Variants in RAB11FIP5 observed in about 807,000 individuals in gnomAD.
RAB11FIP5 encodes the protein RAB11 family interacting protein 5.
In RAB11FIP5, 48 loss-of-function variants were observed where a neutral mutation model predicts 85.1. The ratio of observed to expected loss-of-function variants is 0.56; its 90% CI spans 0.45 to 0.72. The LOEUF is 0.72. Among genes scored for constraint, RAB11FIP5 ranks in the 30% least tolerant of loss-of-function variants. The pLI is 0.00. For missense variants in RAB11FIP5, 1,491 were observed against 1,687.0 expected (o/e 0.88, Z 2.04); for synonymous variants, 729 against 727.3 (o/e 1.00, Z -0.04).
rs2106098690 is a variant in RAB11FIP5 at position 73,075,320 on chromosome 2, A to C, written c.*201T>G. The C allele has an allele frequency of 2.8e-6, 2 of 711,194 alleles. No individual in the cohort carries two copies. The highest frequency in any genetic ancestry group is 5.4e-5 in the East Asian group (2 of 37,280). 44.1% of individuals were successfully genotyped at this position (711,194 alleles called of 1,614,324 possible). On this transcript the variant is annotated 3_prime_UTR_variant, in exon 6 of 6. Coordinates refer to ENST00000486777, the MANE Select transcript of RAB11FIP5 (RefSeq NM_001371272.1). The surrounding 1 kb of genome is among the most constrained non-coding windows in gnomAD (Gnocchi z 4.6). ...AGACCCAGGGCTCCCAAAGACACAC[A>C]AGTTGTGCACAGAACCTGATGCCTC...
chr2:73,112,556 G>A lies in RAB11FIP5; in HGVS notation c.222C>T (p.Ser74=), dbSNP rs754500299. 8 of 1,566,590 alleles carry A rather than the reference G, an allele frequency of 5.1e-6. No homozygotes were observed. The Admixed American group carries it at 1.3e-4, about 25-fold the overall frequency. ...CCAGGGCCCCCGGCGGCAGCTCGAAGGAGCACTCCTCACGCCACTCGGGGC... is the reference window on the plus strand; with the variant it reads ...CCAGGGCCCCCGGCGGCAGCTCGAAAGAGCACTCCTCACGCCACTCGGGGC... ...HGCPEWREEC[S]FELPPGALDG... Residue 74 remains serine, a synonymous_variant, in exon 1 of 6, where the codon TCC becomes TCT. Transcript: ENST00000486777.
In RAB11FIP5 at chr2:73,075,050, G is replaced by A. The variant is rs992266021; in HGVS notation, c.*471C>T. 2 of 361,036 alleles carry A rather than the reference G, an allele frequency of 5.5e-6. No individual in the cohort carries two copies. The highest frequency in any genetic ancestry group is 1.1e-5 in the Non-Finnish European group (2 of 183,134). The allele number at this position is 361,036 out of a possible 1,614,324, so 22.4% of individuals were successfully genotyped here. ...CGTAACTCACAGACAAACAGGCAGC[G>A]TGGTCATTGTCCCAGTAATACTAGA... On this transcript the variant is annotated 3_prime_UTR_variant, in exon 6 of 6. Coordinates refer to ENST00000486777, the MANE Select transcript of RAB11FIP5 (RefSeq NM_001371272.1). The surrounding 1 kb of genome is among the most constrained non-coding windows in gnomAD (Gnocchi z 4.6).
intron 1 of RAB11FIP5, among the ~76,000 whole-genome samples, chr2:73,110,168 C>A (rs1684610004): frequency 6.6e-6 from 1 of 152,242 alleles, no homozygotes; most frequent in African/African-American, 2.4e-5. Flanking sequence ...CCACAGCCAA[C>A]TCCTGGAGTT....
Position 73,106,228 on chromosome 2 carries a change from C to T in RAB11FIP5, c.431+6119G>A, listed in dbSNP as rs77062841. On this transcript the variant is annotated intron_variant, in intron 1 of 5. Transcript: ENST00000486777. ...CTTCATCAGCAATGCACTAGACCAA[C>T]GAGGCAATGAAAATAATGCACCAAA... Among the ~76,000 whole-genome samples the T allele has an allele frequency of 2.0e-3, 312 of 152,278 alleles. 5 individuals are homozygous for T. In the East Asian group the frequency reaches 0.04, roughly 19 times the overall value.
At chr2:73,109,287 C>T (rs543666400) in intron 1 of RAB11FIP5, among the ~76,000 whole-genome samples, 6 of 152,258 alleles carry the variant, frequency 3.9e-5, no homozygotes, top group East Asian at 1.9e-4. Context: ...ACAAGACCTT[C>T]GGAGGCTGCT....
intron 1 of RAB11FIP5, among the ~76,000 whole-genome samples, chr2:73,105,604 T>A (rs1225545903): frequency 1.3e-5 from 2 of 151,624 alleles, no homozygotes; most frequent in Non-Finnish European, 2.9e-5. Context: ...TGAGACAACA[T>A]CCCCCAGCCT....
intron 1 of RAB11FIP5, among the ~76,000 whole-genome samples, chr2:73,099,298 C>T (rs917376724): frequency 6.6e-6 from 1 of 152,134 alleles, no homozygotes; most frequent in South Asian, 2.1e-4. Context: ...GATCTGCCCA[C>T]CTCGGCCTCC....
rs1439563949 is a variant in RAB11FIP5, at chr2:73,081,081, G to A, written c.2151C>T (p.Ser717=). ...GAGGAACCCTGGGCTCCAGCCACAC[G>A]CTGCTCCCACCTCTTCCTCCTCCTC... The part of the protein sequence containing the change: ...GGGGGGRGGS[S]VWLEPRVPLD... The change falls in exon 4 of 6, where the codon AGC becomes AGT. Residue 717 remains serine (S), a synonymous_variant. Coordinates refer to ENST00000486777, the MANE Select transcript of RAB11FIP5 (RefSeq NM_001371272.1). This position sits in a 1 kb window ranked among gnomAD's most constrained non-coding sequence, Gnocchi z 4.2. The A allele has an allele frequency of 1.3e-5, 16 of 1,230,380 alleles. No homozygotes were observed. Among genetic ancestry groups the A allele is most frequent in the Admixed American group, 4.3e-5 (1 of 23,512 alleles). 76.2% of individuals were successfully genotyped at this position (1,230,380 alleles called of 1,614,324 possible).
intron 1 of RAB11FIP5, among the ~76,000 whole-genome samples, chr2:73,101,301 G>T (rs1574303600): frequency 6.6e-6 from 1 of 152,184 alleles, no homozygotes; most frequent in South Asian, 2.1e-4. Context: ...GAAACGGAGG[G>T]GCGGGAACTT....
In RAB11FIP5 at chr2:73,112,751, C is replaced by G; in HGVS notation, c.27G>C (p.Pro9=). MALVRGAE[P]AAGPSRWLPT... Reference sequence around the variant, plus strand: ...GCAGCCAGCGGGAAGGCCCCGCCGCCGGCTCCGCGCCCCGCACCAGGGCCA... The same window carrying G: ...GCAGCCAGCGGGAAGGCCCCGCCGCGGGCTCCGCGCCCCGCACCAGGGCCA... The change falls in exon 1 of 6, where the codon CCG becomes CCC. Residue 9 remains proline, a synonymous_variant. Transcript: ENST00000486777. The G allele has an allele frequency of 6.8e-7, 1 of 1,473,272 alleles. No individual in the cohort carries two copies. Among genetic ancestry groups the G allele is most frequent in the Non-Finnish European group, 9.0e-7 (1 of 1,116,818 alleles). 91.3% of individuals were successfully genotyped at this position (1,473,272 alleles called of 1,614,324 possible).
At chr2:73,106,732 C>T (rs1684535409) in intron 1 of RAB11FIP5, among the ~76,000 whole-genome samples, 1 of 152,268 alleles carries the variant, frequency 6.6e-6, no homozygotes, top group African/African-American at 2.4e-5. Flanking sequence ...ACACAGAGCA[C>T]ACCCTCCACT....
At chr2:73,106,678 C>T (rs1350275713) in intron 1 of RAB11FIP5, among the ~76,000 whole-genome samples, 1 of 152,250 alleles carries the variant, frequency 6.6e-6, no homozygotes, top group Non-Finnish European at 1.5e-5. Context: ...CTTCTTTACC[C>T]CAAATCCTAC....
chr2:73,089,461 C>CGA lies in RAB11FIP5; in HGVS notation c.432-147_432-146insTC. The CGA allele has an allele frequency of 1.2e-6, 1 of 841,012 alleles. No individual in the cohort carries two copies. The highest frequency in any genetic ancestry group is 2.0e-6 in the Non-Finnish European group (1 of 493,484). 52.1% of individuals were successfully genotyped at this position (841,012 alleles called of 1,614,324 possible). On this transcript the variant is annotated intron_variant, in intron 1 of 5. Transcript: ENST00000486777. The surrounding 1 kb of genome is among the most constrained non-coding windows in gnomAD (Gnocchi z 4.6). Reference sequence around the variant, plus strand: ...AAGGCTCCTGCTCTGACCCATCGGCCTGGGCTTCCAGGCTTCAGATGCAGC... The same window carrying CGA: ...AAGGCTCCTGCTCTGACCCATCGGCCGATGGGCTTCCAGGCTTCAGATGCAGC...
rs1300479624 is a variant in RAB11FIP5, at chr2:73,073,511, C to G, written c.*2010G>C. The G allele has an allele frequency of 6.6e-6, 1 of 152,664 alleles. No individual in the cohort carries two copies. Among genetic ancestry groups the G allele is most frequent in the African/African-American group, 2.4e-5 (1 of 41,462 alleles). 9.5% of individuals were successfully genotyped at this position (152,664 alleles called of 1,614,324 possible). ...GCCTGCTCCCTGCCCAACCCACCTGCAACTTTCCTCCAAGTGTGGCTAGGA... is the reference window on the plus strand; with the variant it reads ...GCCTGCTCCCTGCCCAACCCACCTGGAACTTTCCTCCAAGTGTGGCTAGGA... On this transcript the variant is annotated 3_prime_UTR_variant, in exon 6 of 6. Coordinates refer to ENST00000486777, the MANE Select transcript of RAB11FIP5 (RefSeq NM_001371272.1).
At chr2:73,076,967 C>T (rs975664949) in intron 4 of RAB11FIP5, among the ~76,000 whole-genome samples, 6 of 152,190 alleles carry the variant, frequency 3.9e-5, no homozygotes, top group African/African-American at 1.4e-4. Context: ...TGAAGCACTC[C>T]TTCCTTTGGG....
At position 73,089,180 on chromosome 2, in the gene RAB11FIP5, G is replaced by A. The variant is rs1175407730; in HGVS notation, c.567C>T (p.Pro189=). 6.2e-7 allele frequency: 1 copy of A among 1,614,226 alleles called. No individual in the cohort carries two copies. The highest frequency in any genetic ancestry group is 1.1e-5 in the South Asian group (1 of 91,088). Residue 189 remains proline, a synonymous_variant, in exon 2 of 6, where the codon CCC becomes CCT. Transcript: ENST00000486777. This position sits in a 1 kb window ranked among gnomAD's most constrained non-coding sequence, Gnocchi z 4.6. ...TCATCTTGTCCCTGATCTTGCTGAA[G>A]GGAGACCTTGGCTTGTCCTTCATGG... ...DLSMKDKPRS[P]FSKIRDKMKG...
At position 73,111,968 on chromosome 2, in the gene RAB11FIP5, C is replaced by G. The variant is rs183061786; in HGVS notation, c.431+379G>C. ...CCTGCCGGACAGGCGCCCGCAGTTC[C>G]CCTCCCCTTTGAGGAAAGGGAGGCA... On this transcript the variant is annotated intron_variant, in intron 1 of 5. Transcript: ENST00000486777. Among the ~76,000 whole-genome samples, 59 of 152,270 alleles carry G rather than the reference C, an allele frequency of 3.9e-4. No homozygotes were observed. In the East Asian group the frequency reaches 0.011, roughly 30 times the overall value.
At position 73,075,765 on chromosome 2, in the gene RAB11FIP5, C is replaced by A; in HGVS notation, c.3772-41G>T. ...AGACAGTGAGCAGGGCAGCCCTAGG[C>A]CTGCCTGCCTGCCTGCCCGCTTGCC... On this transcript the variant is annotated intron_variant, in intron 5 of 5. Coordinates refer to ENST00000486777, the MANE Select transcript of RAB11FIP5 (RefSeq NM_001371272.1). The surrounding 1 kb of genome is among the most constrained non-coding windows in gnomAD (Gnocchi z 4.6). 6.6e-7 allele frequency: 1 copy of A among 1,515,412 alleles called. No individual in the cohort carries two copies. Among genetic ancestry groups the A allele is most frequent in the South Asian group, 1.3e-5 (1 of 79,184 alleles). The allele number at this position is 1,515,412 out of a possible 1,614,324, so 93.9% of individuals were successfully genotyped here. A position where few individuals can be genotyped will look rare whatever the true frequency, so the allele number is the denominator to read the frequency against.
At position 73,082,040 on chromosome 2, in the gene RAB11FIP5, CT is replaced by C. The variant is rs11409259; in HGVS notation, c.1569-378del. On this transcript the variant is annotated intron_variant, in intron 3 of 5. Coordinates refer to ENST00000486777, the MANE Select transcript of RAB11FIP5 (RefSeq NM_001371272.1). ...ACTAATCTGAAAGCGCCTTACATCC[CT>C]TTTTTTTTTTTTTTTTTTGAGATAG... 9.1e-3 allele frequency among the ~76,000 whole-genome samples: 1,186 copies of C among 129,874 alleles called. 12 individuals carry two copies. Among genetic ancestry groups the C allele is most frequent in the African/African-American group, 0.022 (760 of 33,974 alleles). The allele number at this position is 129,874 out of a possible 152,430, so 85.2% of individuals were successfully genotyped here.
Sources: allele counts gnomAD v4.1 joint callset (sites outside exome capture counted in the v4.1 genomes callset), GRCh38; gene constraint gnomAD v4.1.1; non-coding constraint Gnocchi (gnomAD v3.1); transcripts MANE v1.5; gene names NCBI Gene and HGNC (gene_info 2026-07-23, HGNC 2026-07-21).